NAPEPLD: variants seen among roughly 807,000 people sequenced by gnomAD.
The protein encoded by NAPEPLD is N-acyl phosphatidylethanolamine phospholipase D.
NAPEPLD carries 23 observed loss-of-function variants against 38.1 expected under a neutral mutation model. The observed-to-expected ratio is 0.60, with a 90% CI of 0.43 to 0.86. The LOEUF (loss-of-function observed/expected upper bound fraction) is 0.86. Ranked by LOEUF, NAPEPLD falls within the 40% of genes least tolerant of loss-of-function variation. The pLI is 0.00. For missense variants in NAPEPLD, 411 were observed against 476.8 expected (o/e 0.86, Z 1.28); for synonymous variants, 147 against 162.0 (o/e 0.91, Z 0.71).
At chr7:103,122,155 G>A (rs957446632) in intron 2 of NAPEPLD, among the ~76,000 whole-genome samples, 3 of 149,454 alleles carry the variant, frequency 2.0e-5, no homozygotes, top group Non-Finnish European at 3.0e-5. Flanking sequence ...TGCCCAAGCT[G>A]GCGTCGAACT....
chr7:103,136,123 C>T lies in NAPEPLD; in HGVS notation c.-16-7331G>A, dbSNP rs147572141. On this transcript the variant is annotated intron_variant, in intron 1 of 4. Transcript: ENST00000465647. ...TTAAAAAAAAAACAAAAAACTTAGC[C>T]AAGAGTGGTGGTGCATGCCTGTAAT... 6.2e-3 allele frequency among the ~76,000 whole-genome samples: 946 copies of T among 151,498 alleles called. 9 individuals are homozygous for T. Among genetic ancestry groups the T allele is most frequent in the African/African-American group, 0.021 (885 of 41,212 alleles).
At chr7:103,141,763 G>T in intron 1 of NAPEPLD, 1 of 853,052 alleles carries the variant, frequency 1.2e-6, no homozygotes, top group East Asian at 2.4e-5. Flanking sequence ...ATCAAGCGGG[G>T]GAATGGACCA....
upstream of NAPEPLD, chr7:103,149,431 C>T: frequency 8.0e-7 from 1 of 1,246,500 alleles, no homozygotes; most frequent in Non-Finnish European, 1.0e-6. Flanking sequence ...CTGGCTCCGC[C>T]GAGGACGCCA....
rs143477907 is a variant in NAPEPLD, at chr7:103,101,449, A to C, written c.*1980T>G. 5.6e-4 allele frequency: 86 copies of C among 152,526 alleles called. No homozygotes were observed. Among genetic ancestry groups the C allele is most frequent in the African/African-American group, 2.0e-3 (82 of 41,566 alleles). The allele number at this position is 152,526 out of a possible 1,614,324, so 9.4% of individuals were successfully genotyped here. ...TTACTCCAATTTAAAAATCAGTGAA[A>C]GTTTTCAATGTTTAGTCTCCTAATA... On this transcript the variant is annotated 3_prime_UTR_variant, in exon 5 of 5. Transcript: ENST00000465647.
intron 2 of NAPEPLD, among the ~76,000 whole-genome samples, chr7:103,124,276 T>A (rs13221979): frequency 6.6e-6 from 1 of 151,934 alleles, no homozygotes; most frequent in Non-Finnish European, 1.5e-5. Flanking sequence ...CTGACCAACA[T>A]GGAGAAACCC....
Position 103,103,435 on chromosome 7 carries a change from G to C in NAPEPLD, c.1176C>G (p.Asn392Lys). 6.4e-7 allele frequency: 1 copy of C among 1,557,656 alleles called. No homozygotes were observed. The change falls in exon 5 of 5, where the codon AAC becomes AAG. Residue 392 changes from asparagine to lysine, a missense_variant. Asn to Lys is a moderately conservative substitution (Grantham distance 94). Coordinates refer to ENST00000465647, the MANE Select transcript of NAPEPLD (RefSeq NM_001122838.3). ...GTGCCTGTGCTCACATTTATTAAAA[G>C]TTTTCATCATCATTATTTAGGTATC... ...ESRYLNNDDENF is the reference protein window; with the variant it reads ...ESRYLNNDDEKF
chr7:103,124,976 C>T (rs1459245571), intron 2 of NAPEPLD, among the ~76,000 whole-genome samples: 2 of 152,118 alleles, frequency 1.3e-5, no homozygotes, highest in African/African-American at 2.4e-5. Context: ...TCTTAACATA[C>T]TTACAATTTT....
intron 3 of NAPEPLD, among the ~76,000 whole-genome samples, chr7:103,116,529 T>A (rs1052669182): frequency 2.6e-5 from 4 of 152,226 alleles, no homozygotes; most frequent in African/African-American, 9.6e-5. Flanking sequence ...GTCCTGCTGA[T>A]ACAAATTTGT....
chr7:103,138,787 A>C (rs1246673218), intron 1 of NAPEPLD, among the ~76,000 whole-genome samples: 1 of 152,218 alleles, frequency 6.6e-6, no homozygotes, highest in Admixed American at 6.5e-5. Flanking sequence ...GCCTTTAAAA[A>C]GTCACTTAAC....
At chr7:103,122,766 G>A (rs530125921) in intron 2 of NAPEPLD, among the ~76,000 whole-genome samples, 34 of 152,188 alleles carry the variant, frequency 2.2e-4, no homozygotes, top group African/African-American at 3.1e-4. Context: ...TTTCCGTGGA[G>A]CTACTAACCT....
chr7:103,130,383 C>A (rs1808680624), intron 1 of NAPEPLD, among the ~76,000 whole-genome samples: 1 of 152,200 alleles, frequency 6.6e-6, no homozygotes, highest in African/African-American at 2.4e-5. Context: ...TGTGGGAGAG[C>A]TCAAGAGTTA....
At chr7:103,138,042 A>G (rs186880760) in intron 1 of NAPEPLD, among the ~76,000 whole-genome samples, 2 of 151,170 alleles carry the variant, frequency 1.3e-5, no homozygotes, top group East Asian at 3.9e-4. Context: ...CAATGGTGCA[A>G]TCTCGGCTCA....
At chr7:103,133,254 TCCTTGGGGTATGGGGAA>T (rs1809355580) in intron 1 of NAPEPLD, among the ~76,000 whole-genome samples, 1 of 152,158 alleles carries the variant, frequency 6.6e-6, no homozygotes, top group South Asian at 2.1e-4. Flanking sequence ...CGTTGTCATA[TCCTTGGGGTATGGGGAA>T]ATGTATAGTC....
chr7:103,136,085 T>C (rs1809989500), intron 1 of NAPEPLD, among the ~76,000 whole-genome samples: 4 of 151,776 alleles, frequency 2.6e-5, no homozygotes, highest in Admixed American at 2.6e-4. Context: ...CTGGCCAACA[T>C]GGCAAAACCC....
intron 4 of NAPEPLD, among the ~76,000 whole-genome samples, chr7:103,110,329 G>A (rs772261228): frequency 2.2e-4 from 33 of 152,162 alleles, no homozygotes; most frequent in African/African-American, 7.0e-4. Flanking sequence ...ACATCGATGC[G>A]AAAATCCTCA....
chr7:103,134,354 A>C (rs1215316199), intron 1 of NAPEPLD, among the ~76,000 whole-genome samples: 1 of 152,188 alleles, frequency 6.6e-6, no homozygotes, highest in Non-Finnish European at 1.5e-5. Flanking sequence ...TTAAATATAA[A>C]ATACAAATGT....
At position 103,100,183 on chromosome 7, in the gene NAPEPLD, G is replaced by C. The variant is rs1802198326; in HGVS notation, c.*3246C>G. Reference sequence around the variant, plus strand: ...TAAGGTGAAAACAAAATTCCCAGTGGGCTAGACATGAACAAAAGTATTCAT... The same window carrying C: ...TAAGGTGAAAACAAAATTCCCAGTGCGCTAGACATGAACAAAAGTATTCAT... On this transcript the variant is annotated 3_prime_UTR_variant, in exon 5 of 5. Transcript: ENST00000465647. 6.6e-6 allele frequency: 1 copy of C among 152,132 alleles called. No homozygotes were observed. The highest frequency in any genetic ancestry group is 2.4e-5 in the African/African-American group (1 of 41,502). The allele number at this position is 152,132 out of a possible 1,614,324, so 9.4% of individuals were successfully genotyped here.
rs1388480882 is a variant in NAPEPLD, at chr7:103,119,574, T to C, written c.941+3A>G. 3 of 1,610,946 alleles carry C rather than the reference T, an allele frequency of 1.9e-6. No homozygotes were observed. Among genetic ancestry groups the C allele is most frequent in the Non-Finnish European group, 2.5e-6 (3 of 1,178,156 alleles). ...GGAATGTTTTCTTTGGAAGTCTACA[T>C]ACCTCGGTTCATAAGCTCCGATGGG... is the stretch of plus-strand genomic sequence containing the variant. On this transcript the variant is annotated splice_donor_region_variant and intron_variant, in intron 3 of 4. Transcript: ENST00000465647.
chr7:103,110,653 C>T (rs1804328899), intron 4 of NAPEPLD, among the ~76,000 whole-genome samples: 1 of 152,192 alleles, frequency 6.6e-6, no homozygotes, highest in Admixed American at 6.5e-5. Flanking sequence ...GAAGCATTCC[C>T]TTTGAAAACC....
Sources: gnomAD v4.1 joint callset for allele counts (sites outside exome capture counted in the v4.1 genomes callset) on GRCh38, gnomAD v4.1.1 for gene constraint, MANE v1.5 for transcripts, NCBI Gene and HGNC (gene_info 2026-07-23, HGNC 2026-07-21) for gene names.